Variants in G6PD observed in about 807,000 individuals in gnomAD.
G6PD encodes the protein glucose-6-phosphate dehydrogenase.
In G6PD, 2 loss-of-function variants were observed where a neutral mutation model predicts 38.2. That is an observed-to-expected ratio of 0.05 (90% confidence interval 0.02 to 0.16). G6PD has a LOEUF of 0.16. Ranked by LOEUF, G6PD falls within the 10% of genes least tolerant of loss-of-function variation. G6PD has a pLI of 1.00. For missense variants in G6PD, 310 were observed against 471.6 expected (o/e 0.66, Z 3.17); for synonymous variants, 188 against 196.0 (o/e 0.96, Z 0.34).
At chrX:154,540,790 G>A (rs1197303909) in intron 2 of G6PD, among the ~76,000 whole-genome samples, 1 of 111,827 alleles carries the variant, frequency 8.9e-6, no homozygotes, top group African/African-American at 3.3e-5. Flanking sequence ...CCACCACAGG[G>A]CTTCCAGGAG....
In G6PD at chrX:154,531,977, G is replaced by A. The variant is rs1160441297; in HGVS notation, c.*23C>T. The A allele has an allele frequency of 4.2e-6, 5 of 1,197,843 alleles. No homozygotes were observed. Among genetic ancestry groups the A allele is most frequent in the Non-Finnish European group, 4.5e-6 (4 of 889,560 alleles). On this transcript the variant is annotated 3_prime_UTR_variant, in exon 13 of 13. Transcript: ENST00000393562. ...GCGGGAAGGAGGGTGGCCGTGGCGG[G>A]GGTGGAGGTGGGTGCCCAGGGCTCA...
At chrX:154,543,342 G>A (rs1175934766) in intron 2 of G6PD, among the ~76,000 whole-genome samples, 1 of 112,630 alleles carries the variant, frequency 8.9e-6, no homozygotes, top group African/African-American at 3.2e-5. Flanking sequence ...GGCGGAGGCA[G>A]TGAAATGACA....
rs1557233203 is a variant in G6PD, at chrX:154,546,111, G to A, written c.45C>T (p.Ile15=). 1 of 1,210,431 alleles carries A rather than the reference G, an allele frequency of 8.3e-7. No homozygotes were observed. The highest frequency in any genetic ancestry group is 3.0e-5 in the East Asian group (1 of 33,799). ...VALSRTQVCG[I]LREELFQGDA... is the part of the protein sequence containing the mutation. ...CGCCCTGGAAAAGCTCTTCCCGCAG[G>A]ATCCCGCACACCTGGGTCCGGCTCA... The change falls in exon 2 of 13, where the codon ATC becomes ATT. Residue 15 remains isoleucine (I), a synonymous_variant. Transcript: ENST00000393562.
At chrX:154,541,640 T>A (rs1301411550) in intron 2 of G6PD, among the ~76,000 whole-genome samples, 3 of 111,653 alleles carry the variant, frequency 2.7e-5, no homozygotes, top group Admixed American at 1.9e-4. Flanking sequence ...GGGTCCTTAG[T>A]GAAAAGCAGT....
chrX:154,545,987 G>A lies in G6PD; in HGVS notation c.120+49C>T, dbSNP rs782301691. 2.5e-6 allele frequency: 3 copies of A among 1,204,350 alleles called. No individual in the cohort carries two copies. The South Asian group carries it at 5.3e-5, about 21-fold the overall frequency. On this transcript the variant is annotated intron_variant, in intron 2 of 12. Coordinates refer to ENST00000393562, the MANE Select transcript of G6PD (RefSeq NM_001360016.2). ...CAATTAGTTGGAAAAGCTGAGGCATGGAGCAGGCACTTCCTGGCTTTTAAG... is the reference window on the plus strand; with the variant it reads ...CAATTAGTTGGAAAAGCTGAGGCATAGAGCAGGCACTTCCTGGCTTTTAAG...
At chrX:154,534,924 G>C (rs1356157350) in intron 5 of G6PD, among the ~76,000 whole-genome samples, 4 of 112,612 alleles carry the variant, frequency 3.6e-5, no homozygotes, top group Non-Finnish European at 7.5e-5. Context: ...AAACCACCCA[G>C]CGCGGGCCAT....
intron 2 of G6PD, among the ~76,000 whole-genome samples, chrX:154,536,828 C>T (rs1189112435): frequency 9.1e-6 from 1 of 110,132 alleles, no homozygotes; most frequent in African/African-American, 3.3e-5. Context: ...GAGACTTCAT[C>T]TCCAAAAAAA....
intron 2 of G6PD, among the ~76,000 whole-genome samples, chrX:154,540,638 GAA>G (rs34859682): frequency 1.6e-5 from 1 of 64,377 alleles, no homozygotes; most frequent in African/African-American, 6.5e-5. Context: ...TCCATGTCAC[GAA>G]AAAAAAAAAA....
At chrX:154,533,916 C>G in intron 7 of G6PD, 119 bp downstream of exon 7, 1 of 1,201,880 alleles carries the variant, frequency 8.3e-7, no homozygotes, top group Non-Finnish European at 1.1e-6. Context: ...AGCTCAGACA[C>G]TTAGGTTTTG....
intron 2 of G6PD, among the ~76,000 whole-genome samples, chrX:154,540,628 T>C (rs1603412661): frequency 1.5e-5 from 1 of 67,140 alleles, no homozygotes; most frequent in African/African-American, 5.1e-5. Context: ...ACAGCAAGAC[T>C]CCATGTCACG....
intron 2 of G6PD, among the ~76,000 whole-genome samples, chrX:154,540,467 C>CA (rs1308684626): frequency 5.7e-5 from 6 of 105,186 alleles, no homozygotes; most frequent in Admixed American, 2.0e-4. Flanking sequence ...GACTCCATCT[C>CA]AAAAAAAAGA....
chrX:154,543,836 G>A (rs1293610053), intron 2 of G6PD, among the ~76,000 whole-genome samples: 1 of 108,937 alleles, frequency 9.2e-6, no homozygotes, highest in Non-Finnish European at 1.9e-5. Context: ...TGGGATTACA[G>A]ATGGGTGCCA....
chrX:154,538,062 T>C (rs1399503665), intron 2 of G6PD, among the ~76,000 whole-genome samples: 3 of 106,869 alleles, frequency 2.8e-5, no homozygotes, highest in Non-Finnish European at 5.8e-5. Context: ...TGGCACGATC[T>C]CAGTTCACTG....
At chrX:154,546,761 C>A in intron 1 of G6PD, 28 bp downstream of exon 1, 2 of 1,127,365 alleles carry the variant, frequency 1.8e-6, no homozygotes, top group Non-Finnish European at 2.4e-6. Context: ...CGCTCCTCCG[C>A]CTGCGCGGCG....
Position 154,533,016 on chromosome X carries a change from G to T in G6PD, c.977C>A (p.Pro326His), listed in dbSNP as rs1379306569. 2 of 1,212,191 alleles carry T rather than the reference G, an allele frequency of 1.6e-6. No individual in the cohort carries two copies. Among genetic ancestry groups the T allele is most frequent in the Non-Finnish European group, 2.2e-6 (2 of 895,557 alleles). Residue 326 changes from proline to histidine, a missense_variant, in exon 9 of 13, where the codon CCC (proline) becomes CAC (histidine). By Grantham distance (77) the Pro-to-His change is moderately conservative. Around this residue, in one of 4 missense-constraint regions of G6PD, gnomAD observed 168 missense variants for 309.2 expected, o/e 0.54. Coordinates refer to ENST00000393562, the MANE Select transcript of G6PD (RefSeq NM_001360016.2). ...GEATKGYLDD[P>H]TVPRGSTTAT... The stretch of plus-strand genomic sequence containing the variant: ...GGTGGTGGACCCGCGGGGCACCGTG[G>T]GGTCGTCCAGGTACCCTTTGGTGGC...
Position 154,531,816 on chromosome X carries a change from G to C in G6PD, c.*184C>G. ...TGGAGGGGCCAGGATGGTCTCGAGT[G>C]CTTGGCAGCTGAGGAATGTAGCTGG... On this transcript the variant is annotated 3_prime_UTR_variant, in exon 13 of 13. Transcript: ENST00000393562. 1 of 748,568 alleles carries C rather than the reference G, an allele frequency of 1.3e-6. No individual in the cohort carries two copies. The highest frequency in any genetic ancestry group is 3.5e-5 in the East Asian group (1 of 28,651). The allele number at this position is 748,568 out of a possible 1,213,427, so 61.7% of individuals were successfully genotyped here.
chrX:154,536,156 A>G lies in G6PD; in HGVS notation c.143T>C (p.Ile48Thr), dbSNP rs76645461. The part of the protein sequence containing the change: ...GASGDLAKKK[I>T]YPTIWWLFRD... ...ACACACTTACCAGATGGTGGGGTAG[A>G]TCTTCTTCTTGGCCAGGTCACCCTG... Residue 48 changes from isoleucine to threonine, a missense_variant, in exon 3 of 13, where the codon ATC (isoleucine) becomes ACC (threonine). This residue lies in a region of G6PD where 17 missense variants were observed against 40.8 expected (regional missense o/e 0.42). Transcript: ENST00000393562. 1.4e-5 allele frequency: 17 copies of G among 1,209,926 alleles called. No individual in the cohort carries two copies. The Middle Eastern group carries it at 2.3e-3, about 163-fold the overall frequency.
upstream of G6PD, chrX:154,547,323 G>A (rs2070769636): frequency 1.3e-6 from 1 of 754,502 alleles, no homozygotes; most frequent in Non-Finnish European, 1.6e-6. Context: ...GGGTCAAGCC[G>A]GCCCTATTGG....
rs781893284 is a variant in G6PD at position 154,545,836 on chromosome X, CA to C, written c.120+199del. 31,476 of 251,501 alleles carry C rather than the reference CA, an allele frequency of 0.13. 2 individuals carry two copies. The highest frequency in any genetic ancestry group is 0.15 in the Middle Eastern group (121 of 815). 20.7% of individuals were successfully genotyped at this position (251,501 alleles called of 1,213,427 possible). On this transcript the variant is annotated intron_variant, in intron 2 of 12. Coordinates refer to ENST00000393562, the MANE Select transcript of G6PD (RefSeq NM_001360016.2). ...GGCGACCAGAGCAAAACTCCGTCTC[CA>C]AAAAAAAAAAAAAAAAAAAGTCTTG...
Sources: gnomAD v4.1 joint callset for allele counts (sites outside exome capture counted in the v4.1 genomes callset) on GRCh38, gnomAD v4.1.1 for gene constraint, gnomAD v4.1.1 regional missense constraint, MANE v1.5 for transcripts, NCBI Gene and HGNC (gene_info 2026-07-23, HGNC 2026-07-21) for gene names.